TMEM192: variants seen among roughly 807,000 people sequenced by gnomAD.
The protein encoded by TMEM192 is transmembrane protein 192.
A neutral mutation model predicts 26.7 loss-of-function variants in TMEM192; 20 were observed. The ratio of observed to expected loss-of-function variants is 0.75; its 90% CI spans 0.53 to 1.09. TMEM192 has a LOEUF of 1.09. TMEM192 is among the 50% of genes least tolerant of loss of function. TMEM192 has a pLI of 0.00. For missense variants in TMEM192, 304 were observed against 322.6 expected, an observed-to-expected ratio of 0.94 and a Z score of 0.44; for synonymous variants, 124 against 121.0, an observed-to-expected ratio of 1.02 and a Z score of -0.16.
At chr4:165,089,462 C>A (rs1001485392) in intron 3 of TMEM192, among the ~76,000 whole-genome samples, 2 of 152,154 alleles carry the variant, frequency 1.3e-5, no homozygotes, top group South Asian at 2.1e-4. Context: ...GCTGGGACTA[C>A]AGGCGCCCGC....
intron 5 of TMEM192, among the ~76,000 whole-genome samples, chr4:165,081,291 G>A (rs1434871265): frequency 1.3e-5 from 2 of 150,292 alleles, no homozygotes; most frequent in Non-Finnish European, 2.9e-5. Context: ...TTATATAAAG[G>A]TTTTCAAGTT....
At chr4:165,086,443 G>A (rs1268074026) in intron 4 of TMEM192, among the ~76,000 whole-genome samples, 21 of 142,090 alleles carry the variant, frequency 1.5e-4, no homozygotes, top group South Asian at 4.4e-4. Context: ...TTTTTGAGAC[G>A]GAGTCTTGCT....
chr4:165,100,549 A>C, intron 3 of TMEM192, 79 bp downstream of exon 3: 1 of 1,467,544 alleles, frequency 6.8e-7, no homozygotes, highest in Non-Finnish European at 9.2e-7. Flanking sequence ...TTTGATTCTA[A>C]AATCAAACTT....
At position 165,079,601 on chromosome 4, in the gene TMEM192, C is replaced by A; in HGVS notation, c.*57G>T. On this transcript the variant is annotated 3_prime_UTR_variant, in exon 6 of 6. Coordinates refer to ENST00000306480, the MANE Select transcript of TMEM192 (RefSeq NM_001100389.2). ...TCCCCGTGGCAGCTTGTCAGGTGGT[C>A]AGTCAGTCTCAATTACTCTGGGTTC... The A allele has an allele frequency of 6.5e-7, 1 of 1,528,822 alleles. No homozygotes were observed. The highest frequency in any genetic ancestry group is 2.1e-5 in the Admixed American group (1 of 48,292). The allele number at this position is 1,528,822 out of a possible 1,614,324, so 94.7% of individuals were successfully genotyped here.
chr4:165,098,429 C>CT (rs973423812), intron 3 of TMEM192, among the ~76,000 whole-genome samples: 29 of 148,012 alleles, frequency 2.0e-4, no homozygotes, highest in African/African-American at 5.3e-4. Flanking sequence ...CCAGGAATTT[C>CT]TTTTTTTTTT....
intron 2 of TMEM192, among the ~76,000 whole-genome samples, 164 bp downstream of exon 2, chr4:165,102,786 T>TA: frequency 1.3e-5 from 1 of 74,448 alleles, no homozygotes. Flanking sequence ...TGTACGTACT[T>TA]TTTTTTTTTT....
chr4:165,102,929 C>A, intron 2 of TMEM192, 21 bp downstream of exon 2: 1 of 1,602,130 alleles, frequency 6.2e-7, no homozygotes, highest in Non-Finnish European at 8.5e-7. Context: ...TGGATAGGTC[C>A]CCTTCTTGCA....
intron 3 of TMEM192, among the ~76,000 whole-genome samples, chr4:165,096,219 C>T (rs1194080021): frequency 1.3e-5 from 2 of 151,836 alleles, no homozygotes; most frequent in Non-Finnish European, 2.9e-5. Context: ...ACCAGCCTGG[C>T]CAACATGGTG....
At chr4:165,090,781 G>A (rs1046583682) in intron 3 of TMEM192, among the ~76,000 whole-genome samples, 1 of 151,914 alleles carries the variant, frequency 6.6e-6, no homozygotes, top group Non-Finnish European at 1.5e-5. Flanking sequence ...GTGCACATTT[G>A]TAATCCCAGC....
intron 4 of TMEM192, among the ~76,000 whole-genome samples, chr4:165,086,281 AG>A (rs1231340018): frequency 3.3e-5 from 5 of 152,112 alleles, no homozygotes; most frequent in African/African-American, 9.7e-5. Flanking sequence ...CAGGTGCAGG[AG>A]GAGTCTGAAC....
rs181989553 is a variant in TMEM192, at chr4:165,112,315, G to T, written c.27+432C>A. ...GGCAAGGGACCTCACCAGGAAGGGA[G>T]ATTCGCCCCCTGTGCCCCTGGGACG... On this transcript the variant is annotated intron_variant, in intron 1 of 5. Coordinates refer to ENST00000306480, the MANE Select transcript of TMEM192 (RefSeq NM_001100389.2). 1.8e-3 allele frequency among the ~76,000 whole-genome samples: 281 copies of T among 152,304 alleles called. 1 individual carries two copies. Among genetic ancestry groups the T allele is most frequent in the South Asian group, 3.1e-3 (15 of 4,832 alleles).
intron 1 of TMEM192, among the ~76,000 whole-genome samples, chr4:165,106,484 T>C (rs188001822): frequency 1.7e-3 from 261 of 152,332 alleles, no homozygotes; most frequent in Non-Finnish European, 3.0e-3. Context: ...TTTGAGTCAG[T>C]GGACTGGGAG....
rs919373925 is a variant in TMEM192, at chr4:165,074,114, C to CCG, written c.*5543_*5544insCG. ...ATACCCACAGGTGTGGAGGGGCAGA[C>CCG]CCCCCCTCAATCAACTGAGCCAAGT... is the stretch of plus-strand genomic sequence containing the variant. On this transcript the variant is annotated 3_prime_UTR_variant, in exon 6 of 6. Coordinates refer to ENST00000306480, the MANE Select transcript of TMEM192 (RefSeq NM_001100389.2). 5.4e-4 allele frequency: 3 copies of CCG among 5,578 alleles called. No individual in the cohort carries two copies. The highest frequency in any genetic ancestry group is 3.8e-3 in the Non-Finnish European group (2 of 524). The allele number at this position is 5,578 out of a possible 1,614,324, so 0.3% of individuals were successfully genotyped here. A position where few individuals can be genotyped will look rare whatever the true frequency, so the allele number is the denominator to read the frequency against.
At chr4:165,089,683 C>T (rs1419156146) in intron 3 of TMEM192, among the ~76,000 whole-genome samples, 1 of 151,954 alleles carries the variant, frequency 6.6e-6, no homozygotes, top group Non-Finnish European at 1.5e-5. Context: ...GTTTCTATGG[C>T]CTGCCTTTGG....
chr4:165,099,504 G>A (rs756657110), intron 3 of TMEM192, among the ~76,000 whole-genome samples: 16 of 152,154 alleles, frequency 1.1e-4, no homozygotes, highest in Non-Finnish European at 1.8e-4. Flanking sequence ...GTCTCATGTG[G>A]ACCTTCTGAT....
chr4:165,082,312 T>C (rs1161241457), intron 5 of TMEM192, among the ~76,000 whole-genome samples: 2 of 39,610 alleles, frequency 5.0e-5, no homozygotes, highest in African/African-American at 9.1e-5. Context: ...TTAACATCCC[T>C]GTTCCCTGCC....
rs1232674721 is a variant in TMEM192, at chr4:165,071,675, C to T, written c.*7983G>A. 6.6e-6 allele frequency: 1 copy of T among 152,146 alleles called. No individual in the cohort carries two copies. Among genetic ancestry groups the T allele is most frequent in the African/African-American group, 2.4e-5 (1 of 41,338 alleles). 9.4% of individuals were successfully genotyped at this position (152,146 alleles called of 1,614,324 possible). On this transcript the variant is annotated 3_prime_UTR_variant, in exon 6 of 6. Transcript: ENST00000306480. The stretch of plus-strand genomic sequence containing the variant: ...CAGAGGGAACAGCAACCGCAAAGGT[C>T]CTCAGGTAAGAATGTGCTTAGCAAT...
chr4:165,090,930 G>A (rs1469761893), intron 3 of TMEM192, among the ~76,000 whole-genome samples: 1 of 31,048 alleles, frequency 3.2e-5, no homozygotes. Context: ...AAAAAAAAAA[G>A]GTCATAGAAA....
At chr4:165,108,922 C>A (rs1735232550) in intron 1 of TMEM192, among the ~76,000 whole-genome samples, 1 of 152,196 alleles carries the variant, frequency 6.6e-6, no homozygotes, top group Admixed American at 6.5e-5. Flanking sequence ...TCACAGCCTG[C>A]ACACTCTTTC....
Sources: gnomAD v4.1 joint callset for allele counts (sites outside exome capture counted in the v4.1 genomes callset) on GRCh38, gnomAD v4.1.1 for gene constraint, MANE v1.5 for transcripts, NCBI Gene and HGNC (gene_info 2026-07-23, HGNC 2026-07-21) for gene names.